SETD2: variants seen among roughly 807,000 people sequenced by gnomAD.
SETD2 encodes SET domain containing 2, histone lysine methyltransferase.
SETD2 carries 31 observed loss-of-function variants against 242.1 expected under a neutral mutation model. That is an observed-to-expected ratio of 0.13 (90% CI 0.10 to 0.17). The LOEUF is 0.17. SETD2 is among the 10% of genes least tolerant of loss of function. The pLI is 1.00. For missense variants in SETD2, 2,481 were observed against 3,046.3 expected, an observed-to-expected ratio of 0.81 and a Z score of 4.37; for synonymous variants, 1,006 against 1,066.5, an observed-to-expected ratio of 0.94 and a Z score of 1.11.
At chr3:47,119,924 G>T in intron 3 of SETD2, 1 of 413,228 alleles carries the variant, frequency 2.4e-6, no homozygotes, top group Non-Finnish European at 4.4e-6. Flanking sequence ...AGCCTAAATT[G>T]TACCTTGAAA....
At chr3:47,035,480 A>T (rs1188281012) in intron 18 of SETD2, among the ~76,000 whole-genome samples, 1 of 152,204 alleles carries the variant, frequency 6.6e-6, no homozygotes, top group East Asian at 1.9e-4. Context: ...CCTACTTCTC[A>T]GCTCCTACTT....
intron 15 of SETD2, among the ~76,000 whole-genome samples, chr3:47,050,947 G>A (rs556439021): frequency 1.9e-4 from 29 of 151,694 alleles, no homozygotes; most frequent in African/African-American, 7.0e-4. Context: ...TGGCCAGGCT[G>A]GTCTTGAACT....
At position 47,123,852 on chromosome 3, in the gene SETD2, T is replaced by G. The variant is rs544730198; in HGVS notation, c.784A>C (p.Ser262Arg). Residue 262 changes from serine (S) to arginine (R), a missense_variant, in exon 3 of 21, where the codon AGT becomes CGT. By Grantham distance (110) the Ser-to-Arg change is moderately radical (BLOSUM62 -1). Coordinates refer to ENST00000409792, the MANE Select transcript of SETD2 (RefSeq NM_014159.7). ...ADTKQDTISNSLEEHVTQILN... is the reference protein window; with the variant it reads ...ADTKQDTISNRLEEHVTQILN... ...ATTTGAGTTACGTGTTCTTCTAAAC[T>G]ATTAGATATAGTGTCCTGCTTAGTA... 8.4e-6 allele frequency: 13 copies of G among 1,550,574 alleles called. No homozygotes were observed. The South Asian group carries it at 9.5e-5, about 11-fold the overall frequency.
At position 47,123,362 on chromosome 3, in the gene SETD2, G is replaced by T. The variant is rs973506863; in HGVS notation, c.1274C>A (p.Ser425Tyr). ...GCGACGATCAGAGTCATAATAATGAGATCGTTCTGACCTGGAATAGGATAA... is the reference window on the plus strand; with the variant it reads ...GCGACGATCAGAGTCATAATAATGATATCGTTCTGACCTGGAATAGGATAA... ...TNLSYSRSERSHYYDSDRRYH... is the reference protein window; with the variant it reads ...TNLSYSRSERYHYYDSDRRYH... The change falls in exon 3 of 21, where the codon TCT (serine) becomes TAT (tyrosine). Residue 425 changes from serine (S) to tyrosine (Y), a missense_variant. Ser to Tyr is a moderately radical substitution (Grantham distance 144). Around this residue, in one of 17 missense-constraint regions of SETD2, gnomAD observed 1,300 missense variants for 1,259.2 expected, o/e 1.03. Coordinates refer to ENST00000409792, the MANE Select transcript of SETD2 (RefSeq NM_014159.7). 1 of 1,551,656 alleles carries T rather than the reference G, an allele frequency of 6.4e-7. No individual in the cohort carries two copies. Among genetic ancestry groups the T allele is most frequent in the Non-Finnish European group, 8.7e-7 (1 of 1,146,964 alleles).
chr3:47,103,519 A>T, intron 6 of SETD2, 96 bp from the exon 7 acceptor site: 1 of 919,172 alleles, frequency 1.1e-6, no homozygotes. Flanking sequence ...GCATCAATTA[A>T]AAAAAAGATT....
chr3:47,163,955 C>T lies in SETD2; in HGVS notation c.-31G>A, dbSNP rs780438300. Reference sequence around the variant, plus strand: ...GCGGCTGGAGACGGCGACGCGAGCCCCCTCCCCGCAGCAGGGCGACGCGGG... The same window carrying T: ...GCGGCTGGAGACGGCGACGCGAGCCTCCTCCCCGCAGCAGGGCGACGCGGG... On this transcript the variant is annotated 5_prime_UTR_variant, in exon 1 of 21. Transcript: ENST00000409792. 12 of 1,273,954 alleles carry T rather than the reference C, an allele frequency of 9.4e-6. No individual in the cohort carries two copies. Among genetic ancestry groups the T allele is most frequent in the African/African-American group, 1.5e-5 (1 of 65,006 alleles). 78.9% of individuals were successfully genotyped at this position (1,273,954 alleles called of 1,614,324 possible).
intron 15 of SETD2, among the ~76,000 whole-genome samples, chr3:47,047,531 A>G (rs1416110163): frequency 2.0e-5 from 3 of 152,196 alleles, no homozygotes; most frequent in African/African-American, 4.8e-5. Context: ...TGATTACAGA[A>G]ACATCAAATG....
intron 1 of SETD2, among the ~76,000 whole-genome samples, chr3:47,127,880 G>A (rs548029390): frequency 6.6e-6 from 1 of 152,188 alleles, no homozygotes; most frequent in South Asian, 2.1e-4. Context: ...ATTTTTAAAA[G>A]GAAGGCTAAG....
chr3:47,060,976 A>G (rs1221855775), intron 14 of SETD2, among the ~76,000 whole-genome samples: 2 of 152,202 alleles, frequency 1.3e-5, no homozygotes, highest in Admixed American at 6.5e-5. Context: ...GTAATCCCGC[A>G]CTTTGGGAGG....
chr3:47,151,141 T>A (rs1575849579), intron 1 of SETD2, among the ~76,000 whole-genome samples: 1 of 152,052 alleles, frequency 6.6e-6, no homozygotes. Context: ...AATATATTCA[T>A]CATGGGTCTT....
intron 18 of SETD2, among the ~76,000 whole-genome samples, chr3:47,035,873 T>C (rs2038973603): frequency 6.6e-6 from 1 of 152,218 alleles, no homozygotes; most frequent in African/African-American, 2.4e-5. Flanking sequence ...ATAATTTAAA[T>C]GTCAAGTGCC....
At chr3:47,130,129 G>A (rs2043443822) in intron 1 of SETD2, among the ~76,000 whole-genome samples, 1 of 152,164 alleles carries the variant, frequency 6.6e-6, no homozygotes, top group African/African-American at 2.4e-5. Flanking sequence ...AACAGCTAGT[G>A]AATTAATCCA....
Position 47,016,859 on chromosome 3 carries a change from C to A in SETD2, c.*234G>T. Reference sequence around the variant, plus strand: ...GGTCTGGCCAGGGTCTTTTCTAAGCCCTTGCACCTCTGATGGCTTCTAACC... The same window carrying A: ...GGTCTGGCCAGGGTCTTTTCTAAGCACTTGCACCTCTGATGGCTTCTAACC... On this transcript the variant is annotated 3_prime_UTR_variant, in exon 21 of 21. Coordinates refer to ENST00000409792, the MANE Select transcript of SETD2 (RefSeq NM_014159.7). 2.0e-6 allele frequency: 1 copy of A among 512,620 alleles called. No individual in the cohort carries two copies. The highest frequency in any genetic ancestry group is 2.9e-5 in the South Asian group (1 of 34,754). The allele number at this position is 512,620 out of a possible 1,614,324, so 31.8% of individuals were successfully genotyped here.
chr3:47,153,628 C>A (rs926657799), intron 1 of SETD2, among the ~76,000 whole-genome samples: 2 of 152,114 alleles, frequency 1.3e-5, no homozygotes, highest in African/African-American at 4.8e-5. Flanking sequence ...TGGCGCATGC[C>A]TGTTGTCCCA....
chr3:47,092,660 T>C (rs1165663856), intron 9 of SETD2, among the ~76,000 whole-genome samples: 2 of 151,966 alleles, frequency 1.3e-5, no homozygotes, highest in African/African-American at 4.8e-5. Context: ...AATACTTGAA[T>C]ATTTGTGGCA....
intron 9 of SETD2, among the ~76,000 whole-genome samples, chr3:47,091,310 G>A (rs574675616): frequency 6.6e-6 from 1 of 152,112 alleles, no homozygotes; most frequent in African/African-American, 2.4e-5. Flanking sequence ...TTTTTGAGAC[G>A]AAAATATTCA....
chr3:47,067,615 A>G (rs1451775886), intron 12 of SETD2, among the ~76,000 whole-genome samples: 3 of 151,706 alleles, frequency 2.0e-5, no homozygotes, highest in Non-Finnish European at 2.9e-5. Flanking sequence ...GGGTTTTATC[A>G]CATTGCCCAG....
intron 7 of SETD2, among the ~76,000 whole-genome samples, chr3:47,102,772 CAAAA>C (rs5848821): frequency 4.1e-5 from 4 of 97,902 alleles, no homozygotes; most frequent in African/African-American, 8.2e-5. Flanking sequence ...CCAGCCTGGG[CAAAA>C]AAAAAAAAAA....
At chr3:47,027,977 G>C (rs2038580934) in intron 18 of SETD2, among the ~76,000 whole-genome samples, 1 of 151,886 alleles carries the variant, frequency 6.6e-6, no homozygotes, top group African/African-American at 2.4e-5. Context: ...ATTTTTTTTA[G>C]TAGAATTGGG....
Sources: allele counts gnomAD v4.1 joint callset (sites outside exome capture counted in the v4.1 genomes callset), GRCh38; gene constraint gnomAD v4.1.1; regional missense constraint gnomAD v4.1.1; transcripts MANE v1.5; gene names NCBI Gene and HGNC (gene_info 2026-07-23, HGNC 2026-07-21).